ADK: variants seen among roughly 807,000 people sequenced by gnomAD.
ADK encodes adenosine kinase, also known as N6,N6-dimethyladenosine kinase.
A neutral mutation model predicts 44.7 loss-of-function variants in ADK; 24 were observed. The ratio of observed to expected loss-of-function variants is 0.54; its 90% CI spans 0.39 to 0.76. The LOEUF (loss-of-function observed/expected upper bound fraction) is 0.76. Ranked by LOEUF, ADK falls within the 30% of genes least tolerant of loss-of-function variation. ADK has a pLI of 0.00. For synonymous variants in ADK, 128 were observed against 142.6 expected (o/e 0.90, Z 0.73); for missense variants, 321 against 425.1 (o/e 0.76, Z 2.15).
At chr10:74,561,148 C>T (rs1850443619) in intron 7 of ADK, among the ~76,000 whole-genome samples, 1 of 152,204 alleles carries the variant, frequency 6.6e-6, no homozygotes, top group African/African-American at 2.4e-5. Flanking sequence ...ATCCAAAAAA[C>T]TGAGAGTGGC....
At chr10:74,647,282 G>A (rs1854088442) in intron 9 of ADK, among the ~76,000 whole-genome samples, 1 of 152,118 alleles carries the variant, frequency 6.6e-6, no homozygotes, top group Non-Finnish European at 1.5e-5. Flanking sequence ...ATAGAGTTAT[G>A]TCCCTCTTTG....
intron 1 of ADK, among the ~76,000 whole-genome samples, chr10:74,176,006 C>T (rs1328053355): frequency 1.3e-5 from 2 of 151,834 alleles, no homozygotes; most frequent in African/African-American, 4.8e-5. Flanking sequence ...AGCCCGCATG[C>T]TTCTTTGGAA....
At chr10:74,233,525 A>G (rs1267946476) in intron 3 of ADK, among the ~76,000 whole-genome samples, 1 of 152,150 alleles carries the variant, frequency 6.6e-6, no homozygotes, top group Non-Finnish European at 1.5e-5. Flanking sequence ...TACTGCTTCA[A>G]TTGCATCCCC....
chr10:74,507,570 G>T (rs1011853045), intron 6 of ADK, among the ~76,000 whole-genome samples: 1 of 151,892 alleles, frequency 6.6e-6, no homozygotes, highest in African/African-American at 2.4e-5. Context: ...AGCCGAGATC[G>T]TGCCACTCCA....
At chr10:74,484,058 G>A (rs2133363732) in intron 6 of ADK, among the ~76,000 whole-genome samples, 1 of 152,252 alleles carries the variant, frequency 6.6e-6, no homozygotes, top group South Asian at 2.1e-4. Context: ...CCAGTCGTAG[G>A]TACCATTTTT....
intron 7 of ADK, among the ~76,000 whole-genome samples, chr10:74,573,077 C>T (rs1359313985): frequency 3.9e-5 from 6 of 152,170 alleles, no homozygotes; most frequent in Non-Finnish European, 8.8e-5. Flanking sequence ...AGGAGAGGCG[C>T]TCTGCTTTTT....
chr10:74,344,362 A>G (rs1451536406), intron 4 of ADK, among the ~76,000 whole-genome samples: 5 of 152,206 alleles, frequency 3.3e-5, no homozygotes, highest in African/African-American at 9.7e-5. Flanking sequence ...TCATTGAACA[A>G]TAAGACCTTC....
At chr10:74,681,890 T>C (rs1482623999) in intron 10 of ADK, among the ~76,000 whole-genome samples, 1 of 152,052 alleles carries the variant, frequency 6.6e-6, no homozygotes, top group Non-Finnish European at 1.5e-5. Context: ...AAGCTGTCTG[T>C]TATTTAGTCC....
At chr10:74,201,159 A>G (rs894458013) in intron 2 of ADK, among the ~76,000 whole-genome samples, 6 of 152,214 alleles carry the variant, frequency 3.9e-5, no homozygotes, top group Admixed American at 1.3e-4. Context: ...CTATAATGGT[A>G]TCATAATCTA....
intron 3 of ADK, 135 bp from the exon 4 acceptor site, chr10:74,314,532 A>G (rs1380529935): frequency 1.5e-6 from 1 of 647,184 alleles, no homozygotes; most frequent in Non-Finnish European, 2.8e-6. Flanking sequence ...AGATATTTCA[A>G]TTCATTTATT....
At chr10:74,468,004 G>A (rs754446086) in intron 6 of ADK, among the ~76,000 whole-genome samples, 20 of 151,882 alleles carry the variant, frequency 1.3e-4, no homozygotes, top group East Asian at 3.9e-4. Flanking sequence ...GGCTATTTCC[G>A]CCTCTTAACT....
chr10:74,274,861 G>T (rs1415557771), intron 3 of ADK, among the ~76,000 whole-genome samples: 4 of 150,854 alleles, frequency 2.7e-5, no homozygotes, highest in Non-Finnish European at 4.4e-5. Flanking sequence ...TAAAGTGCTG[G>T]GATTACCAGC....
At chr10:74,687,441 G>T (rs746419670) in intron 10 of ADK, among the ~76,000 whole-genome samples, 11 of 152,202 alleles carry the variant, frequency 7.2e-5, no homozygotes, top group Admixed American at 6.5e-5. Flanking sequence ...ACCATAAGTT[G>T]TTTGCCCTTG....
At chr10:74,164,455 G>A (rs111449120) in intron 1 of ADK, among the ~76,000 whole-genome samples, 2,990 of 152,280 alleles carry the variant, frequency 0.02, 46 homozygotes, top group Non-Finnish European at 0.026. Context: ...ATAATTGCTT[G>A]AACCTGGGAG....
intron 6 of ADK, among the ~76,000 whole-genome samples, chr10:74,495,159 C>T (rs78557380): frequency 0.021 from 3,166 of 152,042 alleles, 39 homozygotes; most frequent in Non-Finnish European, 0.032. Flanking sequence ...TGATGTAGAT[C>T]TCTTCATTAA....
intron 1 of ADK, among the ~76,000 whole-genome samples, chr10:74,151,664 G>GGA (rs1841594034): frequency 6.6e-6 from 1 of 152,202 alleles, no homozygotes; most frequent in Non-Finnish European, 1.5e-5. Flanking sequence ...GGGTCGGACC[G>GGA]GAGCAGCGTC....
At chr10:74,541,806 TA>T (rs1391255368) in intron 7 of ADK, among the ~76,000 whole-genome samples, 2 of 7,280 alleles carry the variant, frequency 2.7e-4, no homozygotes, top group Non-Finnish European at 3.7e-4. Context: ...CCCCCCCCCC[TA>T]AAAAAAAACA....
intron 6 of ADK, among the ~76,000 whole-genome samples, chr10:74,429,764 C>G (rs1844918855): frequency 6.6e-6 from 1 of 152,140 alleles, no homozygotes; most frequent in Non-Finnish European, 1.5e-5. Context: ...TGTCAGTACA[C>G]TAAAAGCAAA....
chr10:74,627,701 C>G (rs567748542), intron 9 of ADK, among the ~76,000 whole-genome samples: 6 of 152,114 alleles, frequency 3.9e-5, no homozygotes, highest in Admixed American at 2.0e-4. Context: ...GGCACGATCT[C>G]GGCTCACTGC....
Sources: allele counts gnomAD v4.1 joint callset (sites outside exome capture counted in the v4.1 genomes callset), GRCh38; gene constraint gnomAD v4.1.1; transcripts MANE v1.5; gene names NCBI Gene and HGNC (gene_info 2026-07-23, HGNC 2026-07-21).